Variants in CDK10 observed in about 807,000 individuals in gnomAD.
CDK10 encodes cyclin-dependent kinase 10.
Under a neutral mutation model 51.0 loss-of-function variants are expected in CDK10, and 55 were observed. The ratio of observed to expected loss-of-function variants is 1.08; its 90% CI spans 0.87 to 1.35. The LOEUF is 1.35. CDK10 is among the 40% of genes most tolerant of loss of function. The pLI, the probability that CDK10 is intolerant of heterozygous loss-of-function variation, is 0.00. For missense variants in CDK10, 589 were observed against 485.1 expected, an observed-to-expected ratio of 1.21 and a Z score of -2.01; for synonymous variants, 255 against 199.1, an observed-to-expected ratio of 1.28 and a Z score of -2.36.
At chr16:89,690,783 C>G (rs931778335) in intron 3 of CDK10, among the ~76,000 whole-genome samples, 159 bp downstream of exon 3, 2 of 152,136 alleles carry the variant, frequency 1.3e-5, no homozygotes, top group African/African-American at 4.8e-5. Flanking sequence ...CAGGTCCACA[C>G]GCAGCCTCAG....
At chr16:89,689,156 C>T (rs1038980647) in intron 1 of CDK10, 96 bp from the exon 2 acceptor site, 11 of 1,129,430 alleles carry the variant, frequency 9.7e-6, no homozygotes, top group African/African-American at 3.0e-5. Context: ...GTGAGCAAGA[C>T]GTGAGTGGGC....
At chr16:89,693,529 G>C in intron 8 of CDK10, 62 bp downstream of exon 8, 1 of 1,535,892 alleles carries the variant, frequency 6.5e-7, no homozygotes, top group African/African-American at 1.4e-5. Flanking sequence ...AGGTCTCCTT[G>C]GGGATGTCAG....
rs1319977900 is a variant in CDK10, at chr16:89,695,732, T to G, written c.*40T>G. 2.5e-6 allele frequency: 4 copies of G among 1,590,660 alleles called. No homozygotes were observed. The highest frequency in any genetic ancestry group is 3.3e-4 in the Middle Eastern group (2 of 6,044). ...CACGCCTGTATTCCCACACCAGGTC[T>G]TCCGATCAGTGGTGTCTGTGAAGGG... On this transcript the variant is annotated 3_prime_UTR_variant, in exon 13 of 13. Transcript: ENST00000353379.
intron 8 of CDK10, 37 bp from the exon 9 acceptor site, chr16:89,694,136 G>A (rs1331795041): frequency 6.2e-7 from 1 of 1,608,596 alleles, no homozygotes; most frequent in Non-Finnish European, 8.5e-7. Context: ...TGGGGGAGAG[G>A]AGCCGGCTGT....
rs764194484 is a variant in CDK10, at chr16:89,686,769, G to C, written c.59G>C (p.Gly20Ala). ...CGTCTGAAGTGTATTCGTAAGGAGG[G>C]CTTCTTCACGGTGCCTCCGGAACAC... ...QIRLKCIRKE[G>A]FFTVPPEHRL... The change falls in exon 1 of 13, where the codon GGC becomes GCC. Residue 20 changes from glycine (G) to alanine (A), a missense_variant. By Grantham distance (60) the Gly-to-Ala change is moderately conservative. Coordinates refer to ENST00000353379, the MANE Select transcript of CDK10 (RefSeq NM_052988.5). 4 of 1,612,282 alleles carry C rather than the reference G, an allele frequency of 2.5e-6. No homozygotes were observed. Among genetic ancestry groups the C allele is most frequent in the African/African-American group, 2.7e-5 (2 of 74,884 alleles).
chr16:89,691,446 TC>T lies in CDK10; in HGVS notation c.240del (p.Ile81SerfsTer21). The T allele has an allele frequency of 6.2e-7, 1 of 1,605,198 alleles. No homozygotes were observed. The highest frequency in any genetic ancestry group is 8.5e-7 in the Non-Finnish European group (1 of 1,174,816). ...CTGAGGCCACCTCCCTCCCCAGGCA[TC>T]CCCATCAGCAGCTTGCGGGAGATCA... Reference protein sequence around the residue: ...KVRMDKEKDGIPISSLREITL... With the variant: ...KVRMDKEKDGXPISSLREITL... On this transcript the variant is annotated frameshift_variant, in exon 4 of 13. Transcript: ENST00000353379. LOFTEE classifies it high-confidence loss of function.
At chr16:89,688,678 A>G (rs1034660174) in intron 1 of CDK10, among the ~76,000 whole-genome samples, 1 of 152,222 alleles carries the variant, frequency 6.6e-6, no homozygotes, top group African/African-American at 2.4e-5. Context: ...TGATACAGGG[A>G]TGCTGGGACA....
Position 89,694,899 on chromosome 16 carries a change from G to A in CDK10, c.793-32G>A, listed in dbSNP as rs1482703547. The stretch of plus-strand genomic sequence containing the variant: ...GCCCGCAGCCCCCGCCCGTGCCCAC[G>A]CCCTCTGCGCCTCAGCTCCTGCCTC... On this transcript the variant is annotated intron_variant, in intron 10 of 12. Transcript: ENST00000353379. 1.7e-5 allele frequency: 24 copies of A among 1,373,928 alleles called. 1 individual carries two copies. In the Admixed American group the frequency reaches 1.9e-4, roughly 11 times the overall value. 85.1% of individuals were successfully genotyped at this position (1,373,928 alleles called of 1,614,324 possible). A position where few individuals can be genotyped will look rare whatever the true frequency, so the allele number is the denominator to read the frequency against.
At position 89,694,988 on chromosome 16, in the gene CDK10, A is replaced by G; in HGVS notation, c.850A>G (p.Asn284Asp). 1 of 1,613,370 alleles carries G rather than the reference A, an allele frequency of 6.2e-7. No individual in the cohort carries two copies. The highest frequency in any genetic ancestry group is 8.5e-7 in the Non-Finnish European group (1 of 1,180,012). ...CAGCCTCCGGAAGCAGCCCTACAAC[A>G]ACCTGAAGCACAAGTTCCCATGGCT... ...QYSLRKQPYN[N>D]LKHKFPWLSE... The change falls in exon 11 of 13, where the codon AAC (asparagine) becomes GAC (aspartate). Residue 284 changes from asparagine to aspartate, a missense_variant. Physicochemically the swap from Asn to Asp is conservative, Grantham distance 23 (BLOSUM62 1). Transcript: ENST00000353379.
In CDK10 at chr16:89,693,405, C is replaced by T. The variant is rs376029099; in HGVS notation, c.546C>T (p.Phe182=). 2.0e-5 allele frequency: 32 copies of T among 1,614,036 alleles called. No individual in the cohort carries two copies. The highest frequency in any genetic ancestry group is 1.2e-4 in the African/African-American group (9 of 74,924). Residue 182 remains phenylalanine (F), a synonymous_variant, in exon 8 of 13, where the codon TTC becomes TTT. Coordinates refer to ENST00000353379, the MANE Select transcript of CDK10 (RefSeq NM_052988.5). ...TDKGCVKTAD[F]GLARAYGVPV... Reference sequence around the variant, plus strand: ...CTCCCCTCTCTGCTGCAGCGGATTTCGGCCTGGCCCGGGCCTATGGTGTCC... The same window carrying T: ...CTCCCCTCTCTGCTGCAGCGGATTTTGGCCTGGCCCGGGCCTATGGTGTCC...
At chr16:89,691,002 T>G (rs951383206) in intron 3 of CDK10, among the ~76,000 whole-genome samples, 14 of 152,166 alleles carry the variant, frequency 9.2e-5, no homozygotes, top group African/African-American at 2.7e-4. Context: ...AAGTGCTTAT[T>G]GGGCCGGGCA....
At chr16:89,695,393 C>T in intron 12 of CDK10, 48 bp downstream of exon 12, 1 of 1,583,758 alleles carries the variant, frequency 6.3e-7, no homozygotes. Flanking sequence ...TGGCTGGGAG[C>T]CCGTTTTGCC....
rs369703738 is a variant in CDK10, at chr16:89,692,398, T to C, written c.418-51T>C. On this transcript the variant is annotated intron_variant, in intron 5 of 12. Transcript: ENST00000353379. ...CAGTGTGGGTGTGGCAGGGCCCAGC[T>C]GGGCTTCCCTGCAGGCTCACCCTGA... 5 of 1,412,942 alleles carry C rather than the reference T, an allele frequency of 3.5e-6. No homozygotes were observed. The South Asian group carries it at 7.1e-5, about 20-fold the overall frequency. 87.5% of individuals were successfully genotyped at this position (1,412,942 alleles called of 1,614,324 possible).
At chr16:89,693,238 C>G (rs1056612716) in intron 6 of CDK10, 36 bp from the exon 7 acceptor site, 1 of 1,611,372 alleles carries the variant, frequency 6.2e-7, no homozygotes, top group African/African-American at 1.3e-5. Flanking sequence ...CCCTGTGGCC[C>G]TCTGGGAGCC....
At chr16:89,687,311 TG>T (rs2060237909) in intron 1 of CDK10, 1 of 376,728 alleles carries the variant, frequency 2.7e-6, no homozygotes, top group Admixed American at 3.0e-5. Flanking sequence ...AGAGAGCCTC[TG>T]GGCGTTGGGC....
At chr16:89,695,471 CAG>C (rs908433494) in intron 12 of CDK10, 122 bp from the exon 13 acceptor site, 32 of 1,461,380 alleles carry the variant, frequency 2.2e-5, no homozygotes, top group African/African-American at 6.9e-5. Flanking sequence ...GGTAAGAGGA[CAG>C]GGGCATGTGG....
intron 1 of CDK10, chr16:89,687,931 A>G (rs950827126): frequency 1.5e-5 from 4 of 272,058 alleles, no homozygotes; most frequent in Admixed American, 4.6e-5. Context: ...ACTGAGGACA[A>G]ATGCGGCCAG....
In CDK10 at chr16:89,686,801, C is replaced by A. The variant is rs199880472; in HGVS notation, c.87+4C>A. The A allele has an allele frequency of 1.2e-6, 2 of 1,607,520 alleles. No homozygotes were observed. Among genetic ancestry groups the A allele is most frequent in the East Asian group, 4.5e-5 (2 of 44,444 alleles). On this transcript the variant is annotated splice_donor_region_variant and intron_variant, in intron 1 of 12. Coordinates refer to ENST00000353379, the MANE Select transcript of CDK10 (RefSeq NM_052988.5). ...CACGGTGCCTCCGGAACACAGGGTG[C>A]GCGGGGTGCCACCCGGGCAGCTCTG...
intron 1 of CDK10, chr16:89,687,682 G>A (rs1476676024): frequency 6.9e-6 from 3 of 437,632 alleles, no homozygotes; most frequent in African/African-American, 4.0e-5. Context: ...TCCTGCCTCG[G>A]CCTCCCAAGT....
Sources: allele counts gnomAD v4.1 joint callset (sites outside exome capture counted in the v4.1 genomes callset), GRCh38; gene constraint gnomAD v4.1.1; transcripts MANE v1.5; gene names NCBI Gene and HGNC (gene_info 2026-07-23, HGNC 2026-07-21).